The following CBL variants were observed in gnomAD, a reference collection of about 807,000 sequenced individuals.
CBL encodes Cbl proto-oncogene.
A neutral mutation model predicts 96.9 loss-of-function variants in CBL; 45 were observed. The ratio of observed to expected loss-of-function variants is 0.46; its 90% confidence interval spans 0.37 to 0.60. The LOEUF is 0.60. Among genes scored for constraint, CBL ranks in the 20% least tolerant of loss-of-function variants. CBL has a pLI of 0.00. For synonymous variants in CBL, 420 were observed against 426.8 expected (o/e 0.98, Z 0.20); for missense variants, 1,024 against 1,143.5 (o/e 0.90, Z 1.51).
intron 12 of CBL, among the ~76,000 whole-genome samples, chr11:119,296,597 C>A (rs1047585780): frequency 6.6e-5 from 10 of 152,160 alleles, no homozygotes; most frequent in Admixed American, 5.9e-4. Context: ...AAAAATCTTG[C>A]CGTTTCTCTA....
chr11:119,296,956 G>A lies in CBL; in HGVS notation c.2075G>A (p.Cys692Tyr), dbSNP rs756510511. 6.8e-6 allele frequency: 11 copies of A among 1,611,882 alleles called. No individual in the cohort carries two copies. Among genetic ancestry groups the A allele is most frequent in the Non-Finnish European group, 9.3e-6 (11 of 1,177,946 alleles). The change falls in exon 13 of 16, where the codon TGT becomes TAT. Residue 692 changes from cysteine (C) to tyrosine (Y), a missense_variant. Cys to Tyr is a radical substitution (Grantham distance 194). Coordinates refer to ENST00000264033, the MANE Select transcript of CBL (RefSeq NM_005188.4). ...CCAAAACTGCCACCTGGGGAGCAAT[G>A]TGAGGGTGAAGAGGACACAGAGTAC... Reference protein sequence around the residue: ...PVPKLPPGEQCEGEEDTEYMT... With the variant: ...PVPKLPPGEQYEGEEDTEYMT...
intron 2 of CBL, among the ~76,000 whole-genome samples, chr11:119,267,743 C>CA (rs1359420225): frequency 6.6e-6 from 1 of 152,200 alleles, no homozygotes; most frequent in East Asian, 1.9e-4. Flanking sequence ...AGTAGGCACT[C>CA]AAATGTTTTC....
At chr11:119,229,499 C>T (rs368562870) in intron 1 of CBL, among the ~76,000 whole-genome samples, 15 of 152,130 alleles carry the variant, frequency 9.9e-5, no homozygotes, top group East Asian at 7.7e-4. Flanking sequence ...CCTTTAATCC[C>T]GGCTATTCAG....
chr11:119,230,376 G>A (rs1949493334), intron 1 of CBL, among the ~76,000 whole-genome samples: 2 of 152,020 alleles, frequency 1.3e-5, no homozygotes, highest in African/African-American at 4.8e-5. Flanking sequence ...TCCTGACCTC[G>A]TGATCCGCCC....
chr11:119,266,399 A>G (rs1212805082), intron 2 of CBL, among the ~76,000 whole-genome samples: 1 of 152,180 alleles, frequency 6.6e-6, no homozygotes, highest in Non-Finnish European at 1.5e-5. Flanking sequence ...TGTGATTCCT[A>G]TGAAGTTGTA....
chr11:119,244,964 TCCCAAGTAGCTGGGACTACAGGCACACAC>T (rs982120134), intron 2 of CBL, among the ~76,000 whole-genome samples: 9 of 152,060 alleles, frequency 5.9e-5, no homozygotes, highest in South Asian at 2.1e-4. Context: ...TGCTTCAGCC[TCCCAAGTAGCTGGGACTACAGGCACACAC>T]CCCAAGTAGC....
At position 119,217,177 on chromosome 11, in the gene CBL, G is replaced by A. The variant is rs562710922; in HGVS notation, c.195+10565G>A. Among the ~76,000 whole-genome samples the A allele has an allele frequency of 1.5e-4, 23 of 152,284 alleles. No individual in the cohort carries two copies. In the South Asian group the frequency reaches 4.8e-3, roughly 32 times the overall value. On this transcript the variant is annotated intron_variant, in intron 1 of 15. Transcript: ENST00000264033. ...TTGTTGCCCAGGCTGGAGTGCAGTG[G>A]TGCAGTATTGGCTCACTGCAGCCTC...
Position 119,304,933 on chromosome 11 carries a change from G to A in CBL, c.*5152G>A, listed in dbSNP as rs576125129. ...AGCCACCGCGCCCGGCCCATACTTC[G>A]TATTCTTAAAAAAAACTACACTCAG... On this transcript the variant is annotated 3_prime_UTR_variant, in exon 16 of 16. Transcript: ENST00000264033. 7 of 197,018 alleles carry A rather than the reference G, an allele frequency of 3.6e-5. No individual in the cohort carries two copies. Among genetic ancestry groups the A allele is most frequent in the South Asian group, 1.9e-4 (1 of 5,196 alleles). 12.2% of individuals were successfully genotyped at this position (197,018 alleles called of 1,614,324 possible).
intron 1 of CBL, among the ~76,000 whole-genome samples, chr11:119,214,620 C>G (rs1226378153): frequency 5.3e-5 from 8 of 152,198 alleles, no homozygotes; most frequent in Non-Finnish European, 5.9e-5. Flanking sequence ...CTGTTGTCTA[C>G]TTAAAGGTTG....
intron 2 of CBL, among the ~76,000 whole-genome samples, chr11:119,262,623 T>C (rs1255748534): frequency 6.6e-6 from 1 of 152,230 alleles, no homozygotes; most frequent in Non-Finnish European, 1.5e-5. Flanking sequence ...ATGCCTGTTA[T>C]GTGCCCAGTG....
intron 2 of CBL, among the ~76,000 whole-genome samples, chr11:119,258,198 A>ATT (rs1169388340): frequency 1.4e-4 from 22 of 152,338 alleles, no homozygotes; most frequent in African/African-American, 5.1e-4. Context: ...ATTGCACTCC[A>ATT]GCCTGGGCGA....
In CBL at chr11:119,308,144, A is replaced by G. The variant is rs1435873443; in HGVS notation, c.*8363A>G. ...TTTTAAATAAAGTTTCTTTTGTTGT[A>G]GCAGACTTGAGTTCTTGCTCATTCA... is the stretch of plus-strand genomic sequence containing the variant. On this transcript the variant is annotated 3_prime_UTR_variant, in exon 16 of 16. Coordinates refer to ENST00000264033, the MANE Select transcript of CBL (RefSeq NM_005188.4). 1 of 167,034 alleles carries G rather than the reference A, an allele frequency of 6.0e-6. No homozygotes were observed. The highest frequency in any genetic ancestry group is 1.3e-5 in the Non-Finnish European group (1 of 76,196). 10.3% of individuals were successfully genotyped at this position (167,034 alleles called of 1,614,324 possible). A position where few individuals can be genotyped will look rare whatever the true frequency, so the allele number is the denominator to read the frequency against.
At chr11:119,222,507 T>G (rs1331394330) in intron 1 of CBL, among the ~76,000 whole-genome samples, 2 of 152,216 alleles carry the variant, frequency 1.3e-5, no homozygotes, top group Non-Finnish European at 2.9e-5. Flanking sequence ...ACGTTTCTTT[T>G]TAACATTGTT....
Position 119,270,436 on chromosome 11 carries a change from A to ATATTTTTT in CBL, c.444-1298_444-1297insATTTTTTT, listed in dbSNP as rs1565870008. On this transcript the variant is annotated intron_variant, in intron 2 of 15. Transcript: ENST00000264033. The stretch of plus-strand genomic sequence containing the variant: ...AATTTTTATATATATATATATATAT[A>ATATTTTTT]TTTTTTTTTTTTTTTTTTTTTTTTT... Among the ~76,000 whole-genome samples, 22 of 38,660 alleles carry ATATTTTTT rather than the reference A, an allele frequency of 5.7e-4. 1 individual carries two copies. The highest frequency in any genetic ancestry group is 2.2e-3 in the East Asian group (2 of 926). 25.4% of individuals were successfully genotyped at this position (38,660 alleles called of 152,430 possible). A position where few individuals can be genotyped will look rare whatever the true frequency, so the allele number is the denominator to read the frequency against.
Position 119,307,445 on chromosome 11 carries a change from C to T in CBL, c.*7664C>T, listed in dbSNP as rs1434582332. The T allele has an allele frequency of 2.2e-5, 5 of 232,514 alleles. No individual in the cohort carries two copies. Among genetic ancestry groups the T allele is most frequent in the Non-Finnish European group, 4.3e-5 (5 of 117,356 alleles). The allele number at this position is 232,514 out of a possible 1,614,324, so 14.4% of individuals were successfully genotyped here. On this transcript the variant is annotated 3_prime_UTR_variant, in exon 16 of 16. Transcript: ENST00000264033. ...TAGACCTCCTGCCCCCACCCCCCAG[C>T]CCCCATCAGATGTGGCTGGCCTTTC...
intron 1 of CBL, among the ~76,000 whole-genome samples, chr11:119,231,526 T>C (rs1330776004): frequency 6.6e-6 from 1 of 151,700 alleles, no homozygotes; most frequent in Non-Finnish European, 1.5e-5. Context: ...CTGACCAACA[T>C]GGAGAAACCC....
Position 119,301,781 on chromosome 11 carries a change from T to C in CBL, c.*2000T>C, listed in dbSNP as rs1950103740. ...AGAGTGGGGCAGAGGAAGATGGCAG[T>C]GAATATCAAACAGTAGACCGCCATC... On this transcript the variant is annotated 3_prime_UTR_variant, in exon 16 of 16. Transcript: ENST00000264033. 8.6e-6 allele frequency: 2 copies of C among 233,230 alleles called. No homozygotes were observed. Among genetic ancestry groups the C allele is most frequent in the Non-Finnish European group, 1.7e-5 (2 of 118,044 alleles). 14.4% of individuals were successfully genotyped at this position (233,230 alleles called of 1,614,324 possible). A position where few individuals can be genotyped will look rare whatever the true frequency, so the allele number is the denominator to read the frequency against.
At chr11:119,209,105 TTA>T (rs1949297357) in intron 1 of CBL, among the ~76,000 whole-genome samples, 1 of 152,240 alleles carries the variant, frequency 6.6e-6, no homozygotes, top group Non-Finnish European at 1.5e-5. Context: ...TCTGATACGT[TTA>T]TACTGCTTTC....
At chr11:119,281,165 C>T (rs1272148932) in intron 9 of CBL, among the ~76,000 whole-genome samples, 2 of 152,170 alleles carry the variant, frequency 1.3e-5, no homozygotes, top group Admixed American at 1.3e-4. Context: ...TCCTGTGCCA[C>T]ACTACTTGTC....
Sources: allele counts gnomAD v4.1 joint callset (sites outside exome capture counted in the v4.1 genomes callset), GRCh38; gene constraint gnomAD v4.1.1; transcripts MANE v1.5; gene names NCBI Gene and HGNC (gene_info 2026-07-23, HGNC 2026-07-21).